Variants in KCTD1 observed in about 807,000 individuals in gnomAD.
KCTD1 encodes the protein potassium channel tetramerization domain containing 1.
KCTD1 carries 24 observed loss-of-function variants against 66.0 expected under a neutral mutation model. That is an observed-to-expected ratio of 0.36 (90% CI 0.26 to 0.51). The LOEUF (loss-of-function observed/expected upper bound fraction) is 0.51, where lower values mean the gene tolerates loss of function less well. Among genes scored for constraint, KCTD1 ranks in the 20% least tolerant of loss-of-function variants. The probability of loss-of-function intolerance (pLI) is 0.95; values close to 1 mark genes in which losing one functional copy is unlikely to be tolerated. For synonymous variants in KCTD1, 511 were observed against 517.2 expected, an observed-to-expected ratio of 0.99 and a Z score of 0.16; for missense variants, 943 against 1,205.2, an observed-to-expected ratio of 0.78 and a Z score of 3.22.
At chr18:26,518,118 A>C (rs1983749608) in intron 1 of KCTD1, among the ~76,000 whole-genome samples, 1 of 152,200 alleles carries the variant, frequency 6.6e-6, no homozygotes, top group Non-Finnish European at 1.5e-5. Context: ...GCACGAAATA[A>C]ACATTAATAT....
chr18:26,472,208 G>C (rs970997364), intron 3 of KCTD1, among the ~76,000 whole-genome samples: 6 of 152,088 alleles, frequency 3.9e-5, no homozygotes, highest in South Asian at 2.1e-4. Flanking sequence ...TCCAGGCAGG[G>C]ATTCTGGGTC....
intron 3 of KCTD1, among the ~76,000 whole-genome samples, chr18:26,461,327 G>A (rs966251312): frequency 6.6e-6 from 1 of 152,182 alleles, no homozygotes; most frequent in Admixed American, 6.5e-5. Context: ...TGCTGATGAC[G>A]ACACTCATCT....
intron 1 of KCTD1, chr18:26,575,244 G>T (rs1372820720): frequency 6.6e-6 from 1 of 152,054 alleles, no homozygotes. Flanking sequence ...AAAAACAACC[G>T]AAAGTACTGC....
At chr18:26,517,844 A>G (rs754903657) in intron 1 of KCTD1, among the ~76,000 whole-genome samples, 16 of 152,226 alleles carry the variant, frequency 1.1e-4, no homozygotes, top group African/African-American at 3.6e-4. Context: ...TGTCTTTATC[A>G]GCAGCGTGAA....
At chr18:26,552,059 T>C (rs1479183134), upstream of KCTD1, among the ~76,000 whole-genome samples, 1 of 152,226 alleles carries the variant, frequency 6.6e-6, no homozygotes, top group Admixed American at 6.5e-5. Context: ...TATGGTAAGA[T>C]GTTTACAACT....
chr18:26,552,645 A>T (rs777581447), upstream of KCTD1, among the ~76,000 whole-genome samples: 2 of 152,248 alleles, frequency 1.3e-5, no homozygotes, highest in African/African-American at 2.4e-5. Context: ...CTAGTGGAAC[A>T]TGCTTTAGAA....
intron 1 of KCTD1, among the ~76,000 whole-genome samples, chr18:26,650,004 T>C (rs1046637442): frequency 2.6e-5 from 4 of 152,170 alleles, no homozygotes; most frequent in Non-Finnish European, 4.4e-5. Flanking sequence ...TAGTGGTGCA[T>C]TTGCATCATT....
chr18:26,647,336 C>CCA (rs1555649528), intron 1 of KCTD1, among the ~76,000 whole-genome samples: 19 of 146,792 alleles, frequency 1.3e-4, no homozygotes, highest in Middle Eastern at 3.5e-3. Context: ...GTGAAACCCC[C>CCA]CCCCCATCTC....
intron 1 of KCTD1, among the ~76,000 whole-genome samples, chr18:26,579,152 C>T (rs1986295092): frequency 6.6e-6 from 1 of 152,080 alleles, no homozygotes; most frequent in East Asian, 1.9e-4. Flanking sequence ...TCCACTATAC[C>T]TCCAGCACCT....
At chr18:26,514,585 G>A (rs897448749) in intron 1 of KCTD1, among the ~76,000 whole-genome samples, 3 of 151,406 alleles carry the variant, frequency 2.0e-5, no homozygotes, top group African/African-American at 7.3e-5. Flanking sequence ...ATGGCAGAGA[G>A]ATGTTGGAAG....
At chr18:26,640,075 G>A (rs1426976113) in intron 1 of KCTD1, among the ~76,000 whole-genome samples, 1 of 152,128 alleles carries the variant, frequency 6.6e-6, no homozygotes, top group Non-Finnish European at 1.5e-5. Context: ...CCACGGCAAT[G>A]GTCCAGAGAA....
At chr18:26,481,587 G>T (rs922967966) in intron 2 of KCTD1, among the ~76,000 whole-genome samples, 1 of 152,204 alleles carries the variant, frequency 6.6e-6, no homozygotes, top group Non-Finnish European at 1.5e-5. Context: ...AGGCTATGTT[G>T]TCAGGGACAG....
intron 2 of KCTD1, among the ~76,000 whole-genome samples, chr18:26,500,346 G>C (rs1039529274): frequency 2.0e-5 from 3 of 151,802 alleles, no homozygotes; most frequent in Admixed American, 1.3e-4. Flanking sequence ...CTTAAGCCCA[G>C]AAGGTCAAGG....
intron 3 of KCTD1, among the ~76,000 whole-genome samples, chr18:26,464,487 C>T (rs1000180676): frequency 3.0e-4 from 46 of 152,210 alleles, no homozygotes; most frequent in African/African-American, 1.1e-3. Context: ...GCATTGTATT[C>T]ACAGGTTCTG....
chr18:26,536,702 G>T (rs1383841867), intron 1 of KCTD1, among the ~76,000 whole-genome samples: 1 of 152,098 alleles, frequency 6.6e-6, no homozygotes, highest in East Asian at 1.9e-4. Flanking sequence ...ATATTTCTAA[G>T]TTATTCTTCA....
chr18:26,536,935 A>G (rs1598926367), intron 1 of KCTD1, among the ~76,000 whole-genome samples: 1 of 151,408 alleles, frequency 6.6e-6, no homozygotes, highest in Non-Finnish European at 1.5e-5. Flanking sequence ...AAAAAAAAAA[A>G]CCCACGAGAC....
At chr18:26,635,870 A>G (rs192073048) in intron 1 of KCTD1, among the ~76,000 whole-genome samples, 14 of 152,290 alleles carry the variant, frequency 9.2e-5, no homozygotes, top group African/African-American at 3.1e-4. Flanking sequence ...CCTGGGAGAT[A>G]GGTTCTTTTA....
At position 26,598,808 on chromosome 18, in the gene KCTD1, C is replaced by G. The variant is rs190606439; in HGVS notation, c.-16+30339G>C. On this transcript the variant is annotated intron_variant, in intron 1 of 4. Coordinates refer to the KCTD1 transcript ENST00000317932. ...TCATATATATTCTTTGGAAAAATCT[C>G]TCTTTAAATTCTTTGCCTATTTTAA... 6.1e-4 allele frequency among the ~76,000 whole-genome samples: 92 copies of G among 150,100 alleles called. 2 individuals carry two copies. In the Middle Eastern group the frequency reaches 0.01, roughly 17 times the overall value.
chr18:26,546,615 G>T, intron 1 of KCTD1, 113 bp downstream of exon 1: 3 of 1,250,048 alleles, frequency 2.4e-6, no homozygotes, highest in African/African-American at 1.5e-5. Context: ...ATCCGATTCA[G>T]TACATTACCT....
Sources: gnomAD v4.1 joint callset for allele counts (sites outside exome capture counted in the v4.1 genomes callset) on GRCh38, gnomAD v4.1.1 for gene constraint, MANE v1.5 for transcripts, NCBI Gene and HGNC (gene_info 2026-07-23, HGNC 2026-07-21) for gene names.